KIAA1549: variants seen among roughly 807,000 people sequenced by gnomAD.
KIAA1549 encodes the protein UPF0606 protein KIAA1549.
Under a neutral mutation model 156.4 loss-of-function variants are expected in KIAA1549, and 70 were observed. The ratio of observed to expected loss-of-function variants is 0.45; its 90% CI spans 0.37 to 0.55. The LOEUF (loss-of-function observed/expected upper bound fraction) is 0.55, where lower values mean the gene tolerates loss of function less well. Ranked by LOEUF, KIAA1549 falls within the 20% of genes least tolerant of loss-of-function variation. The pLI, the probability that KIAA1549 is intolerant of heterozygous loss-of-function variation, is 0.00. For missense variants in KIAA1549, 2,428 were observed against 2,540.9 expected (o/e 0.96, Z 0.96); for synonymous variants, 1,103 against 1,066.4 (o/e 1.03, Z -0.67).
chr7:138,945,148 T>C (rs1813300815), intron 1 of KIAA1549, among the ~76,000 whole-genome samples: 1 of 152,218 alleles, frequency 6.6e-6, no homozygotes, highest in Non-Finnish European at 1.5e-5. Flanking sequence ...CAGTATAGTG[T>C]CTCTCACAGA....
intron 16 of KIAA1549, 50 bp from the exon 17 acceptor site, chr7:138,852,319 A>G (rs1018533313): frequency 2.3e-5 from 29 of 1,270,286 alleles, no homozygotes; most frequent in African/African-American, 3.0e-5. Flanking sequence ...TACTTATTAT[A>G]AAGTGACAAC....
At chr7:138,973,522 C>T (rs1047843076) in intron 1 of KIAA1549, among the ~76,000 whole-genome samples, 7 of 152,202 alleles carry the variant, frequency 4.6e-5, no homozygotes, top group Non-Finnish European at 7.3e-5. Context: ...TCTTTGTCTT[C>T]CCCTCTCCTT....
intron 1 of KIAA1549, among the ~76,000 whole-genome samples, chr7:138,933,752 G>A (rs1048779264): frequency 6.6e-6 from 1 of 152,158 alleles, no homozygotes; most frequent in African/African-American, 2.4e-5. Flanking sequence ...GATCACCTGA[G>A]GTCAGGAGTT....
intron 3 of KIAA1549, among the ~76,000 whole-genome samples, chr7:138,911,712 C>T (rs1423155560): frequency 6.6e-6 from 1 of 152,204 alleles, no homozygotes; most frequent in Non-Finnish European, 1.5e-5. Flanking sequence ...ATTTTAAATA[C>T]ATTTTATTTA....
chr7:138,981,362 C>A lies in KIAA1549; in HGVS notation c.-93G>T. The A allele has an allele frequency of 2.2e-6, 1 of 448,860 alleles. No individual in the cohort carries two copies. The highest frequency in any genetic ancestry group is 2.9e-6 in the Non-Finnish European group (1 of 342,728). The allele number at this position is 448,860 out of a possible 1,614,324, so 27.8% of individuals were successfully genotyped here. ...CGGCTGCGGCTGGGACGGGGCGCCG[C>A]GCACCGGCGCGGAGGGAGGCCGGAG... On this transcript the variant is annotated 5_prime_UTR_variant, in exon 1 of 20. Coordinates refer to ENST00000422774, the MANE Select transcript of KIAA1549 (RefSeq NM_001164665.2). The surrounding 1 kb of genome is among the most constrained non-coding windows in gnomAD (Gnocchi z 4.5).
At chr7:138,974,611 C>T (rs189206174) in intron 1 of KIAA1549, among the ~76,000 whole-genome samples, 2 of 151,768 alleles carry the variant, frequency 1.3e-5, no homozygotes, top group Non-Finnish European at 2.9e-5. Context: ...TTAGTAGAGA[C>T]GAGGTTTCAC....
intron 8 of KIAA1549, among the ~76,000 whole-genome samples, chr7:138,901,501 T>C (rs1251492010): frequency 1.3e-5 from 2 of 152,042 alleles, no homozygotes; most frequent in African/African-American, 4.8e-5. Flanking sequence ...AATTTTTGTG[T>C]TTTTAGTAGA....
At chr7:138,857,872 T>TA (rs1181208151) in intron 16 of KIAA1549, among the ~76,000 whole-genome samples, 3 of 152,214 alleles carry the variant, frequency 2.0e-5, no homozygotes, top group African/African-American at 4.8e-5. Flanking sequence ...CCTTTTCACT[T>TA]ACTTGTATCT....
intron 1 of KIAA1549, among the ~76,000 whole-genome samples, chr7:138,939,131 T>C (rs904985053): frequency 1.3e-5 from 2 of 152,164 alleles, no homozygotes; most frequent in African/African-American, 2.4e-5. Flanking sequence ...AAAACACAAA[T>C]AGAGCAAATC....
chr7:138,846,980 C>G (rs898988083), intron 17 of KIAA1549, among the ~76,000 whole-genome samples: 1 of 152,170 alleles, frequency 6.6e-6, no homozygotes, highest in Non-Finnish European at 1.5e-5. Context: ...TGTGTGACAT[C>G]CCTGACTTTA....
chr7:138,886,309 C>T (rs1811389533), intron 10 of KIAA1549, among the ~76,000 whole-genome samples: 1 of 152,052 alleles, frequency 6.6e-6, no homozygotes, highest in Non-Finnish European at 1.5e-5. Context: ...TGGTCTCGCT[C>T]TGTCACCCAG....
rs189823881 is a variant in KIAA1549, at chr7:138,917,239, G to A, written c.2387C>T (p.Thr796Met). ...ATSPLTTVHTTPILTESSLFS... is the reference protein window; with the variant it reads ...ATSPLTTVHTMPILTESSLFS... ...CAAAGAAGACTCAGTTAAAATGGGCGTTGTGTGGACAGTGGTCAATGGTGA... is the reference window on the plus strand; with the variant it reads ...CAAAGAAGACTCAGTTAAAATGGGCATTGTGTGGACAGTGGTCAATGGTGA... The change falls in exon 2 of 20, where the codon ACG becomes ATG. Residue 796 changes from threonine (T) to methionine (M), a missense_variant. Transcript: ENST00000422774. The A allele has an allele frequency of 7.3e-5, 118 of 1,613,948 alleles. 1 individual carries two copies. Among genetic ancestry groups the A allele is most frequent in the Admixed American group, 4.5e-4 (27 of 60,018 alleles).
chr7:138,964,113 C>T (rs1563096040), intron 1 of KIAA1549, among the ~76,000 whole-genome samples: 1 of 152,202 alleles, frequency 6.6e-6, no homozygotes, highest in Admixed American at 6.5e-5. Context: ...TTCTCTTAAC[C>T]TACGTTTGGT....
intron 1 of KIAA1549, among the ~76,000 whole-genome samples, chr7:138,940,896 T>C (rs970960224): frequency 6.6e-5 from 10 of 152,198 alleles, no homozygotes; most frequent in African/African-American, 2.4e-4. Context: ...TTTGAGTTCT[T>C]TGTAGATTCT....
intron 15 of KIAA1549, among the ~76,000 whole-genome samples, chr7:138,865,798 C>G (rs965239339): frequency 1.3e-5 from 2 of 152,194 alleles, no homozygotes; most frequent in African/African-American, 4.8e-5. Context: ...CAGGAGAAGA[C>G]AGGTTCCTCC....
At position 138,909,174 on chromosome 7, in the gene KIAA1549, G is replaced by A. The variant is rs547244327; in HGVS notation, c.3146-53C>T. The A allele has an allele frequency of 2.0e-5, 31 of 1,561,628 alleles. No individual in the cohort carries two copies. In the South Asian group the frequency reaches 3.4e-4, roughly 17 times the overall value. ...TAAATGAGGTGTTTGTGCTTCTGAA[G>A]TATTAAGGAATCAAGAGAGAGAAAC... On this transcript the variant is annotated intron_variant, in intron 4 of 19. Coordinates refer to ENST00000422774, the MANE Select transcript of KIAA1549 (RefSeq NM_001164665.2).
Position 138,838,068 on chromosome 7 carries a change from G to T in KIAA1549, c.5691C>A (p.Asn1897Lys). Residue 1897 changes from asparagine (N) to lysine (K), a missense_variant, in exon 20 of 20, where the codon AAC becomes AAA. By Grantham distance (94) the Asn-to-Lys change is moderately conservative. Coordinates refer to ENST00000422774, the MANE Select transcript of KIAA1549 (RefSeq NM_001164665.2). ...SGREPSAPSG[N>K]LPHRGLQGPG... Reference sequence around the variant, plus strand: ...GGCCCTGCAGTCCCCGGTGGGGGAGGTTCCCGGAAGGAGCTGAGGGCTCCC... The same window carrying T: ...GGCCCTGCAGTCCCCGGTGGGGGAGTTTCCCGGAAGGAGCTGAGGGCTCCC... 1 of 1,592,890 alleles carries T rather than the reference G, an allele frequency of 6.3e-7. No homozygotes were observed. Among genetic ancestry groups the T allele is most frequent in the Non-Finnish European group, 8.5e-7 (1 of 1,170,250 alleles).
Position 138,919,618 on chromosome 7 carries a change from G to A in KIAA1549, c.188-180C>T, listed in dbSNP as rs150612712. ...GAGAAATTGACAGAATTACCATCAG[G>A]ACAATATCTGCAAATATTCCTAAAC... On this transcript the variant is annotated intron_variant, in intron 1 of 19. Coordinates refer to ENST00000422774, the MANE Select transcript of KIAA1549 (RefSeq NM_001164665.2). 3.8e-5 allele frequency: 41 copies of A among 1,076,980 alleles called. No homozygotes were observed. The African/African-American group carries it at 6.2e-4, about 16-fold the overall frequency. 66.7% of individuals were successfully genotyped at this position (1,076,980 alleles called of 1,614,324 possible). A position where few individuals can be genotyped will look rare whatever the true frequency, so the allele number is the denominator to read the frequency against.
chr7:138,948,538 G>A (rs1813399567), intron 1 of KIAA1549, among the ~76,000 whole-genome samples: 1 of 152,192 alleles, frequency 6.6e-6, no homozygotes, highest in African/African-American at 2.4e-5. Context: ...CACCCAGTCT[G>A]TGGTATCTTG....
Sources: allele counts gnomAD v4.1 joint callset (sites outside exome capture counted in the v4.1 genomes callset), GRCh38; gene constraint gnomAD v4.1.1; non-coding constraint Gnocchi (gnomAD v3.1); transcripts MANE v1.5; gene names NCBI Gene and HGNC (gene_info 2026-07-23, HGNC 2026-07-21).